Variants in SNRK observed in about 807,000 individuals in gnomAD.
SNRK encodes the protein SNF-related serine/threonine-protein kinase.
SNRK carries 3 observed loss-of-function variants against 48.2 expected under a neutral mutation model. That is an observed-to-expected ratio of 0.06 (90% confidence interval 0.03 to 0.16). The LOEUF (loss-of-function observed/expected upper bound fraction) is 0.16, where lower values mean the gene tolerates loss of function less well. Ranked by LOEUF, SNRK falls within the 10% of genes least tolerant of loss-of-function variation. The pLI, the probability that SNRK is intolerant of heterozygous loss-of-function variation, is 1.00. For synonymous variants in SNRK, 376 were observed against 366.1 expected (o/e 1.03, Z -0.31); for missense variants, 627 against 976.0 (o/e 0.64, Z 4.76).
chr3:43,326,858 G>A (rs539029847), intron 3 of SNRK, among the ~76,000 whole-genome samples: 3 of 152,270 alleles, frequency 2.0e-5, no homozygotes, highest in East Asian at 3.9e-4. Context: ...TTTAAAGTAG[G>A]TATCAGATGA....
In SNRK at chr3:43,348,661, A is replaced by T. The variant is rs541697520; in HGVS notation, c.*104A>T. On this transcript the variant is annotated 3_prime_UTR_variant, in exon 7 of 7. Coordinates refer to ENST00000296088, the MANE Select transcript of SNRK (RefSeq NM_017719.5). ...TTACTATTTTAAAGTGGGCGTTAGG[A>T]GCAATTATTTATTACCTTTCCATTT... 5 of 1,220,596 alleles carry T rather than the reference A, an allele frequency of 4.1e-6. No homozygotes were observed. In the South Asian group the frequency reaches 8.7e-5, roughly 21 times the overall value. 75.6% of individuals were successfully genotyped at this position (1,220,596 alleles called of 1,614,324 possible).
At chr3:43,334,982 C>CT (rs57592269) in intron 4 of SNRK, among the ~76,000 whole-genome samples, 115,558 of 151,804 alleles carry the variant, frequency 0.76, 49,071 homozygotes, top group Non-Finnish European at 0.94. Context: ...TGTGCCTTAT[C>CT]TTTTTTTTGT....
At chr3:43,310,466 TTG>T (rs1320228196) in intron 3 of SNRK, among the ~76,000 whole-genome samples, 1 of 152,194 alleles carries the variant, frequency 6.6e-6, no homozygotes, top group Admixed American at 6.6e-5. Context: ...TCTTATTTGC[TTG>T]TGTTTGTCTG....
chr3:43,309,388 A>T (rs940291209), intron 3 of SNRK, among the ~76,000 whole-genome samples: 2 of 152,164 alleles, frequency 1.3e-5, no homozygotes, highest in Non-Finnish European at 2.9e-5. Flanking sequence ...TAGGTAAAAT[A>T]TGTCAAACAG....
chr3:43,321,907 G>A (rs2091056523), intron 3 of SNRK, among the ~76,000 whole-genome samples: 7 of 152,236 alleles, frequency 4.6e-5, no homozygotes, highest in Admixed American at 4.6e-4. Flanking sequence ...ATTTTGGCAA[G>A]TCCCAGGACA....
Position 43,303,559 on chromosome 3 carries a change from A to G in SNRK, c.356A>G (p.Tyr119Cys), listed in dbSNP as rs2090913662. Reference protein sequence around the residue: ...EGLNEDLAKKYFAQIVHAISY... With the variant: ...EGLNEDLAKKCFAQIVHAISY... Reference sequence around the variant, plus strand: ...CTTAATGAAGACTTGGCCAAGAAGTATTTTGCTCAGATAGTTCATGCTATA... The same window carrying G: ...CTTAATGAAGACTTGGCCAAGAAGTGTTTTGCTCAGATAGTTCATGCTATA... Residue 119 changes from tyrosine (Y) to cysteine (C), a missense_variant, in exon 3 of 7, where the codon TAT (tyrosine) becomes TGT (cysteine). Tyr to Cys is a radical substitution (Grantham distance 194, BLOSUM62 -2). Around this residue, in one of 4 missense-constraint regions of SNRK, gnomAD observed 147 missense variants for 356.8 expected, o/e 0.41. Coordinates refer to ENST00000296088, the MANE Select transcript of SNRK (RefSeq NM_017719.5). The surrounding 1 kb of genome is among the most constrained non-coding windows in gnomAD (Gnocchi z 6.2). The G allele has an allele frequency of 1.2e-6, 2 of 1,613,988 alleles. No homozygotes were observed. The highest frequency in any genetic ancestry group is 1.7e-6 in the Non-Finnish European group (2 of 1,180,012).
chr3:43,324,993 C>T (rs1192585995), intron 3 of SNRK, among the ~76,000 whole-genome samples: 1 of 152,190 alleles, frequency 6.6e-6, no homozygotes, highest in Admixed American at 6.5e-5. Context: ...TTTTTATCCC[C>T]AGTGCCCAGA....
chr3:43,327,704 A>G (rs1036829152), intron 3 of SNRK, among the ~76,000 whole-genome samples: 4 of 152,102 alleles, frequency 2.6e-5, no homozygotes, highest in Non-Finnish European at 5.9e-5. Context: ...CAGATGAATG[A>G]TTAGCATGTT....
intron 3 of SNRK, among the ~76,000 whole-genome samples, chr3:43,316,257 A>G (rs1467723477): frequency 6.6e-6 from 1 of 152,102 alleles, no homozygotes; most frequent in Admixed American, 6.5e-5. Flanking sequence ...TGTTGATACA[A>G]ATGTATAATT....
At chr3:43,292,626 C>T (rs2090821458) in intron 1 of SNRK, among the ~76,000 whole-genome samples, 1 of 152,222 alleles carries the variant, frequency 6.6e-6, no homozygotes, top group Non-Finnish European at 1.5e-5. Flanking sequence ...ATCACTTCAC[C>T]TAAACTGGTG....
intron 3 of SNRK, among the ~76,000 whole-genome samples, chr3:43,315,489 A>G (rs751273081): frequency 1.3e-5 from 2 of 152,160 alleles, no homozygotes; most frequent in Non-Finnish European, 2.9e-5. Context: ...TTTAACTTTT[A>G]TATTACTTCC....
intron 3 of SNRK, among the ~76,000 whole-genome samples, chr3:43,328,358 A>G (rs1348644161): frequency 4.0e-5 from 6 of 151,574 alleles, no homozygotes; most frequent in Non-Finnish European, 1.5e-5. Context: ...TCTAAAATGA[A>G]TGGTTTTTCT....
chr3:43,324,255 A>G (rs1025657567), intron 3 of SNRK, among the ~76,000 whole-genome samples: 1 of 152,214 alleles, frequency 6.6e-6, no homozygotes, highest in African/African-American at 2.4e-5. Flanking sequence ...CACGCCTGTA[A>G]TCCGAGCACT....
intron 1 of SNRK, among the ~76,000 whole-genome samples, chr3:43,295,799 C>T (rs1229626946): frequency 1.3e-5 from 2 of 152,146 alleles, no homozygotes; most frequent in Non-Finnish European, 2.9e-5. Context: ...AGTGCAGTGG[C>T]GTGATCTCTG....
At chr3:43,330,898 A>C (rs1056285933) in intron 3 of SNRK, among the ~76,000 whole-genome samples, 12 of 152,210 alleles carry the variant, frequency 7.9e-5, no homozygotes, top group African/African-American at 2.9e-4. Flanking sequence ...TTTCCATCAG[A>C]GTATCCTTAG....
At chr3:43,326,539 A>G (rs2091098117) in intron 3 of SNRK, among the ~76,000 whole-genome samples, 2 of 152,128 alleles carry the variant, frequency 1.3e-5, no homozygotes, top group Admixed American at 1.3e-4. Flanking sequence ...GCCCATTGTA[A>G]TGATGCTGAA....
At chr3:43,298,072 A>G (rs2090870231) in intron 1 of SNRK, among the ~76,000 whole-genome samples, 1 of 152,002 alleles carries the variant, frequency 6.6e-6, no homozygotes, top group African/African-American at 2.4e-5. Flanking sequence ...CAGAATGCTT[A>G]CTCTGTGCCA....
chr3:43,318,888 C>T (rs763101406), intron 3 of SNRK, among the ~76,000 whole-genome samples: 48 of 151,942 alleles, frequency 3.2e-4, no homozygotes, highest in African/African-American at 1.1e-3. Context: ...ATTAGCCAGG[C>T]GTGGTAGCGC....
chr3:43,319,042 A>G (rs905078373), intron 3 of SNRK, among the ~76,000 whole-genome samples: 2 of 151,948 alleles, frequency 1.3e-5, no homozygotes, highest in African/African-American at 4.8e-5. Context: ...AAAAAAAAAA[A>G]AAGAATCAGT....
Sources: gnomAD v4.1 joint callset for allele counts (sites outside exome capture counted in the v4.1 genomes callset) on GRCh38, gnomAD v4.1.1 for gene constraint, gnomAD v4.1.1 regional missense constraint, Gnocchi (gnomAD v3.1) non-coding constraint, MANE v1.5 for transcripts, NCBI Gene and HGNC (gene_info 2026-07-23, HGNC 2026-07-21) for gene names.